Variants in SNX24 observed in about 807,000 individuals in gnomAD.
SNX24 encodes the protein sorting nexin 24.
SNX24 carries 22 observed loss-of-function variants against 28.7 expected under a neutral mutation model. The ratio of observed to expected loss-of-function variants is 0.77; its 90% confidence interval spans 0.55 to 1.10. SNX24 has a LOEUF of 1.10. SNX24 is among the 50% of genes least tolerant of loss of function. The pLI, the probability that SNX24 is intolerant of heterozygous loss-of-function variation, is 0.00. For missense variants in SNX24, 221 were observed against 201.1 expected (o/e 1.10, Z -0.60); for synonymous variants, 69 against 71.5 (o/e 0.96, Z 0.18).
intron 1 of SNX24, among the ~76,000 whole-genome samples, chr5:122,847,051 A>G (rs1754671655): frequency 1.3e-5 from 2 of 151,396 alleles, no homozygotes; most frequent in African/African-American, 4.9e-5. Flanking sequence ...TTCTCCCATC[A>G]GCACTATCAA....
At chr5:122,869,953 G>C (rs1273812219) in intron 1 of SNX24, among the ~76,000 whole-genome samples, 1 of 151,878 alleles carries the variant, frequency 6.6e-6, no homozygotes, top group African/African-American at 2.4e-5. Flanking sequence ...TTTGCAGGGT[G>C]ATGCCATGGA....
rs70988553 is a variant in SNX24 at position 123,014,333 on chromosome 5, A to ATTTTT, written n.383+12354_383+12358dup. Among the ~76,000 whole-genome samples the ATTTTT allele has an allele frequency of 6.0e-4, 46 of 77,300 alleles. 3 individuals carry two copies. Among genetic ancestry groups the ATTTTT allele is most frequent in the African/African-American group, 7.9e-4 (14 of 17,802 alleles). The allele number at this position is 77,300 out of a possible 152,430, so 50.7% of individuals were successfully genotyped here. ...AGGCACACGCCACTGTGCCCAGCTG[A>ATTTTT]TTTTTTTTTTTTTTTTTTTTTTTTT... On this transcript the variant is annotated intron_variant and non_coding_transcript_variant, in intron 5 of 5. Transcript: ENST00000502387.
rs1178794102 is a variant in SNX24 at position 123,009,084 on chromosome 5, ACAAG to A, written c.*1340_*1343del. ...ATAGATTCTGTACTACATGTGGGAA[ACAAG>A]CAAGAACTAAATAATCAAATGTTGT... On this transcript the variant is annotated 3_prime_UTR_variant, in exon 7 of 7. Transcript: ENST00000261369. 1 of 985,548 alleles carries A rather than the reference ACAAG, an allele frequency of 1.0e-6. No individual in the cohort carries two copies. Among genetic ancestry groups the A allele is most frequent in the African/African-American group, 1.7e-5 (1 of 57,240 alleles). 61.1% of individuals were successfully genotyped at this position (985,548 alleles called of 1,614,324 possible).
At chr5:122,902,186 C>T (rs574787026) in intron 1 of SNX24, among the ~76,000 whole-genome samples, 1 of 152,272 alleles carries the variant, frequency 6.6e-6, no homozygotes, top group Non-Finnish European at 1.5e-5. Context: ...TAGGCTGTAC[C>T]CTGCTGTGTC....
At chr5:122,873,826 C>T (rs975171695) in intron 1 of SNX24, among the ~76,000 whole-genome samples, 1 of 140,216 alleles carries the variant, frequency 7.1e-6, no homozygotes, top group African/African-American at 2.7e-5. Flanking sequence ...AGTGCAATGG[C>T]GCAATCTCGG....
chr5:122,856,525 CTTTT>C (rs1184957460), intron 1 of SNX24, among the ~76,000 whole-genome samples: 2 of 131,562 alleles, frequency 1.5e-5, no homozygotes. Context: ...AGTTCTGTGT[CTTTT>C]TTTTTTTTTT....
intron 3 of SNX24, among the ~76,000 whole-genome samples, chr5:122,971,005 A>G (rs1760935813): frequency 6.6e-6 from 1 of 152,192 alleles, no homozygotes; most frequent in Non-Finnish European, 1.5e-5. Flanking sequence ...GACTCACACA[A>G]TCACAAGGTG....
chr5:122,910,981 C>T (rs1757859640), intron 1 of SNX24, among the ~76,000 whole-genome samples: 2 of 152,116 alleles, frequency 1.3e-5, no homozygotes, highest in African/African-American at 4.8e-5. Flanking sequence ...TGGGTATATA[C>T]CCAGTAATGG....
intron 2 of SNX24, among the ~76,000 whole-genome samples, chr5:122,941,556 A>G (rs1212699301): frequency 1.3e-5 from 2 of 152,154 alleles, no homozygotes; most frequent in African/African-American, 4.8e-5. Flanking sequence ...CTGTCCATTT[A>G]GAATACAGAT....
rs1016147764 is a variant in SNX24 at position 122,951,034 on chromosome 5, G to A, written c.249+4875G>A. Reference sequence around the variant, plus strand: ...TGTAATCCCAGCACTTTGGGAGGCCGAGGCGGGCGGATCACGAGGTCAGGA... The same window carrying A: ...TGTAATCCCAGCACTTTGGGAGGCCAAGGCGGGCGGATCACGAGGTCAGGA... On this transcript the variant is annotated intron_variant, in intron 3 of 6. Transcript: ENST00000261369. Among the ~76,000 whole-genome samples, 17 of 152,094 alleles carry A rather than the reference G, an allele frequency of 1.1e-4. No individual in the cohort carries two copies. In the East Asian group the frequency reaches 1.9e-3, roughly 17 times the overall value.
chr5:122,857,988 G>C (rs1755285740), intron 1 of SNX24, among the ~76,000 whole-genome samples: 1 of 152,060 alleles, frequency 6.6e-6, no homozygotes, highest in Non-Finnish European at 1.5e-5. Flanking sequence ...TCACCATGTT[G>C]GTCAGGCTGG....
chr5:123,007,443 C>G (rs1762454609), intron 6 of SNX24, among the ~76,000 whole-genome samples: 1 of 152,168 alleles, frequency 6.6e-6, no homozygotes, highest in Non-Finnish European at 1.5e-5. Context: ...TCCCTTAAAT[C>G]AATAAGCTAC....
chr5:123,018,436 T>C (rs929279165), intron 5 of SNX24, among the ~76,000 whole-genome samples: 12 of 152,084 alleles, frequency 7.9e-5, no homozygotes, highest in African/African-American at 2.9e-4. Flanking sequence ...AGGATATCTA[T>C]AACAGGACAT....
chr5:122,942,690 G>T (rs1370155886), intron 2 of SNX24, among the ~76,000 whole-genome samples: 1 of 152,206 alleles, frequency 6.6e-6, no homozygotes, highest in Non-Finnish European at 1.5e-5. Context: ...TTATCTGCGT[G>T]GATCAGACAG....
chr5:122,945,110 C>T (rs1759626832), intron 2 of SNX24, among the ~76,000 whole-genome samples: 1 of 152,124 alleles, frequency 6.6e-6, no homozygotes, highest in Non-Finnish European at 1.5e-5. Context: ...TCTAGAGGAT[C>T]TAGGGCAGAA....
chr5:122,864,075 CT>C (rs1185199984), intron 1 of SNX24, among the ~76,000 whole-genome samples: 1 of 152,192 alleles, frequency 6.6e-6, no homozygotes, highest in Admixed American at 6.5e-5. Flanking sequence ...TGGAACTTAC[CT>C]ATTGGTTACA....
intron 5 of SNX24, among the ~76,000 whole-genome samples, chr5:123,019,057 T>A (rs1220128201): frequency 6.6e-6 from 1 of 152,212 alleles, no homozygotes; most frequent in Admixed American, 6.5e-5. Context: ...ACTTGATTCC[T>A]GGGACTAGTC....
At chr5:122,889,822 G>A (rs1376625799) in intron 1 of SNX24, among the ~76,000 whole-genome samples, 1 of 150,234 alleles carries the variant, frequency 6.7e-6, no homozygotes, top group East Asian at 2.0e-4. Flanking sequence ...CATAATCACG[G>A]TAAAATTGTC....
At chr5:122,942,769 C>T (rs372871017) in intron 2 of SNX24, among the ~76,000 whole-genome samples, 2 of 152,220 alleles carry the variant, frequency 1.3e-5, no homozygotes, top group African/African-American at 2.4e-5. Flanking sequence ...GAGTATTTAT[C>T]TTGTAAGCAG....
Sources: allele counts gnomAD v4.1 joint callset (sites outside exome capture counted in the v4.1 genomes callset), GRCh38; gene constraint gnomAD v4.1.1; transcripts MANE v1.5; gene names NCBI Gene and HGNC (gene_info 2026-07-23, HGNC 2026-07-21).